Variants in SAG observed in about 807,000 individuals in gnomAD.
SAG encodes the protein S-arrestin.
SAG carries 45 observed loss-of-function variants against 55.0 expected under a neutral mutation model. The observed-to-expected ratio is 0.82, with a 90% CI of 0.64 to 1.05. The LOEUF (loss-of-function observed/expected upper bound fraction) is 1.05. SAG is among the 50% of genes least tolerant of loss of function. The pLI, the probability that SAG is intolerant of heterozygous loss-of-function variation, is 0.00. For missense variants in SAG, 455 were observed against 512.1 expected, an observed-to-expected ratio of 0.89 and a Z score of 1.08; for synonymous variants, 189 against 197.4, an observed-to-expected ratio of 0.96 and a Z score of 0.36.
intron 14 of SAG, 145 bp downstream of exon 14, chr2:233,342,471 G>C (rs529470066): frequency 1.4e-6 from 1 of 712,450 alleles, no homozygotes; most frequent in African/African-American, 1.8e-5. Context: ...AAGGTGAATA[G>C]TCTGGGGGGA....
intron 2 of SAG, among the ~76,000 whole-genome samples, chr2:233,312,206 G>A (rs1458970405): frequency 6.6e-6 from 1 of 152,124 alleles, no homozygotes; most frequent in Non-Finnish European, 1.5e-5. Flanking sequence ...ATCCTTTCTA[G>A]TTCTTCTTCC....
intron 1 of SAG, among the ~76,000 whole-genome samples, chr2:233,308,454 G>A (rs756783366): frequency 7.3e-5 from 11 of 150,966 alleles, no homozygotes; most frequent in East Asian, 1.9e-4. Context: ...GCAACAGAAC[G>A]AGCTCCTATA....
intron 11 of SAG, among the ~76,000 whole-genome samples, 199 bp downstream of exon 11, chr2:233,335,298 G>C (rs984661073): frequency 3.9e-5 from 6 of 152,250 alleles, no homozygotes; most frequent in African/African-American, 1.4e-4. Flanking sequence ...TTACACCCAT[G>C]GGCCTTGGAG....
At chr2:233,336,111 G>A (rs962520572) in intron 11 of SAG, among the ~76,000 whole-genome samples, 3 of 152,232 alleles carry the variant, frequency 2.0e-5, no homozygotes, top group Non-Finnish European at 4.4e-5. Context: ...GAATATCAGG[G>A]AAACTGAGAG....
At chr2:233,343,546 T>C (rs1438816959) in intron 14 of SAG, 2 of 449,490 alleles carry the variant, frequency 4.4e-6, no homozygotes, top group Non-Finnish European at 7.1e-6. Context: ...TCTGAAAACA[T>C]ATAAAAACCA....
At chr2:233,328,283 G>A in intron 7 of SAG, 195 bp from the exon 8 acceptor site, 2 of 549,620 alleles carry the variant, frequency 3.6e-6, no homozygotes, top group South Asian at 6.4e-5. Flanking sequence ...AAGGGACCAG[G>A]ACCCAGACCC....
intron 5 of SAG, among the ~76,000 whole-genome samples, chr2:233,322,077 C>T (rs1000604905): frequency 1.2e-4 from 18 of 147,270 alleles, no homozygotes; most frequent in Admixed American, 2.8e-4. Flanking sequence ...GTTCCAGCTA[C>T]TTGAGAGGCT....
In SAG at chr2:233,320,823, G is replaced by A. The variant is rs543181762; in HGVS notation, c.375G>A (p.Thr125=). 8.2e-6 allele frequency: 13 copies of A among 1,582,886 alleles called. No individual in the cohort carries two copies. Among genetic ancestry groups the A allele is most frequent in the South Asian group, 2.3e-5 (2 of 86,288 alleles). ...LGSNTYPFLL[T]FPDYLPCSVM... is the part of the protein sequence containing the mutation. ...GCAACACGTACCCCTTTCTCCTGAC[G>A]GTGGGTGACTCCTCCGGCCAGCCCT... is the stretch of plus-strand genomic sequence containing the variant. The change falls in exon 5 of 16, where the codon ACG becomes ACA. Residue 125 remains threonine (T), a splice_region_variant and synonymous_variant. Transcript: ENST00000409110.
chr2:233,335,424 G>A (rs1051257690), intron 11 of SAG, among the ~76,000 whole-genome samples: 8 of 152,232 alleles, frequency 5.3e-5, no homozygotes, highest in Non-Finnish European at 1.0e-4. Flanking sequence ...AAGTCTCATA[G>A]AGTGATTATA....
At position 233,346,791 on chromosome 2, in the gene SAG, GTTTGT is replaced by G. The variant is rs747963837; in HGVS notation, c.1113-12_1113-8del. On this transcript the variant is annotated splice_polypyrimidine_tract_variant and intron_variant, in intron 15 of 15. Transcript: ENST00000409110. ...AAGGGCGTGCAATGATCAAAATGTT[GTTTGT>G]TTTATTTTAGTTATCAGGATGCAAA... 1 of 1,534,414 alleles carries G rather than the reference GTTTGT, an allele frequency of 6.5e-7. No individual in the cohort carries two copies. The highest frequency in any genetic ancestry group is 1.7e-5 in the Admixed American group (1 of 57,996).
intron 14 of SAG, chr2:233,344,819 T>C: frequency 6.6e-6 from 1 of 152,228 alleles, no homozygotes; most frequent in South Asian, 2.1e-4. Context: ...GTAATTTGTG[T>C]GTAATAAGTG....
At chr2:233,341,466 C>T (rs561741151) in intron 13 of SAG, among the ~76,000 whole-genome samples, 3 of 152,238 alleles carry the variant, frequency 2.0e-5, no homozygotes, top group South Asian at 2.1e-4. Context: ...ATGGGATAAA[C>T]AAAATGTGGT....
At chr2:233,328,790 T>TCAG in intron 8 of SAG, 177 bp downstream of exon 8, 1 of 654,068 alleles carries the variant, frequency 1.5e-6, no homozygotes, top group Middle Eastern at 3.6e-4. Context: ...CTGGAGCTGG[T>TCAG]CAGCATGGTC....
chr2:233,318,010 A>G (rs138374736), intron 3 of SAG, among the ~76,000 whole-genome samples: 6 of 152,230 alleles, frequency 3.9e-5, no homozygotes, highest in Non-Finnish European at 7.4e-5. Flanking sequence ...CAGTGTCTCT[A>G]TCACCCAGGC....
intron 11 of SAG, among the ~76,000 whole-genome samples, chr2:233,335,501 A>C (rs555945921): frequency 6.1e-4 from 93 of 152,370 alleles, no homozygotes; most frequent in African/African-American, 2.2e-3. Context: ...CAGGAATGTC[A>C]GCTACTGTTT....
chr2:233,342,603 T>C, intron 14 of SAG: 1 of 442,094 alleles, frequency 2.3e-6, no homozygotes, highest in South Asian at 3.1e-5. Context: ...TCATGAATGA[T>C]TTAAGAGCAG....
chr2:233,345,266 C>G (rs1386005952), intron 14 of SAG: 1 of 152,210 alleles, frequency 6.6e-6, no homozygotes, highest in Non-Finnish European at 1.5e-5. Flanking sequence ...AAATTGAAAA[C>G]TTTGCGGCTG....
chr2:233,340,492 C>G lies in SAG; in HGVS notation c.1046+14C>G. ...GCTCACCTCCAGGTAAGCCTGTTCACCTTCCTTGTTTGATTGTTTCTCAAG... is the reference window on the plus strand; with the variant it reads ...GCTCACCTCCAGGTAAGCCTGTTCAGCTTCCTTGTTTGATTGTTTCTCAAG... On this transcript the variant is annotated intron_variant, in intron 13 of 15. Coordinates refer to ENST00000409110, the MANE Select transcript of SAG (RefSeq NM_000541.5). The surrounding 1 kb of genome is among the most constrained non-coding windows in gnomAD (Gnocchi z 4.2). 1 of 1,605,932 alleles carries G rather than the reference C, an allele frequency of 6.2e-7. No homozygotes were observed. The highest frequency in any genetic ancestry group is 8.5e-7 in the Non-Finnish European group (1 of 1,174,710).
intron 2 of SAG, among the ~76,000 whole-genome samples, chr2:233,312,608 T>C (rs1308241612): frequency 6.6e-6 from 1 of 152,230 alleles, no homozygotes; most frequent in Non-Finnish European, 1.5e-5. Context: ...CTTCTGAGGT[T>C]CTTTAGGGCC....
Sources: allele counts gnomAD v4.1 joint callset (sites outside exome capture counted in the v4.1 genomes callset), GRCh38; gene constraint gnomAD v4.1.1; non-coding constraint Gnocchi (gnomAD v3.1); transcripts MANE v1.5; gene names NCBI Gene and HGNC (gene_info 2026-07-23, HGNC 2026-07-21).